The following SFTPD variants were observed in gnomAD, a reference collection of about 807,000 sequenced individuals.
The protein encoded by SFTPD is pulmonary surfactant-associated protein D.
Under a neutral mutation model 34.6 loss-of-function variants are expected in SFTPD, and 18 were observed. The observed-to-expected ratio is 0.52, with a 90% confidence interval of 0.36 to 0.77. SFTPD has a LOEUF of 0.77. SFTPD is among the 30% of genes least tolerant of loss of function. The pLI, the probability that SFTPD is intolerant of heterozygous loss-of-function variation, is 0.00. For synonymous variants in SFTPD, 155 were observed against 180.9 expected, an observed-to-expected ratio of 0.86 and a Z score of 1.15; for missense variants, 433 against 468.9, an observed-to-expected ratio of 0.92 and a Z score of 0.71.
intron 1 of SFTPD, among the ~76,000 whole-genome samples, chr10:79,976,147 C>T (rs906480752): frequency 2.1e-4 from 32 of 152,194 alleles, no homozygotes; most frequent in African/African-American, 6.8e-4. Context: ...TTAAGAAAAA[C>T]AAGTTTCTCT....
intron 1 of SFTPD, among the ~76,000 whole-genome samples, chr10:79,962,988 A>T (rs1448236474): frequency 6.6e-6 from 1 of 152,162 alleles, no homozygotes; most frequent in Non-Finnish European, 1.5e-5. Context: ...TCTATCATTT[A>T]TCTATCAGTC....
intron 1 of SFTPD, among the ~76,000 whole-genome samples, chr10:79,981,477 C>T (rs564041546): frequency 1.6e-4 from 25 of 152,302 alleles, no homozygotes; most frequent in African/African-American, 5.8e-4. Context: ...ATAGGCCGGG[C>T]GGCGTGAGGG....
intron 7 of SFTPD, among the ~76,000 whole-genome samples, chr10:79,938,938 G>A (rs574565430): frequency 2.0e-4 from 30 of 152,234 alleles, no homozygotes; most frequent in African/African-American, 3.1e-4. Flanking sequence ...TGAGTGAGGC[G>A]CAGGGGAGTG....
At chr10:79,964,779 G>C (rs1003554933) in intron 1 of SFTPD, among the ~76,000 whole-genome samples, 2 of 152,006 alleles carry the variant, frequency 1.3e-5, no homozygotes, top group African/African-American at 4.8e-5. Flanking sequence ...CCCTGCCCAG[G>C]TCTGGCAAAT....
upstream of SFTPD, among the ~76,000 whole-genome samples, chr10:79,954,104 T>A (rs1031210231): frequency 6.6e-6 from 1 of 152,220 alleles, no homozygotes; most frequent in Non-Finnish European, 1.5e-5. Context: ...TGTTCTCCTG[T>A]ATCTTGTTGA....
upstream of SFTPD, chr10:79,950,977 TA>T (rs1000372115): frequency 6.6e-6 from 1 of 152,092 alleles, no homozygotes. Flanking sequence ...AGTCTTTTGC[TA>T]AAAGTTTCAA....
chr10:79,964,302 G>A (rs1260606885), intron 1 of SFTPD, among the ~76,000 whole-genome samples: 16 of 152,094 alleles, frequency 1.1e-4, no homozygotes, highest in Admixed American at 1.3e-4. Flanking sequence ...TCTAAAGGTC[G>A]CTTTACTTCC....
rs749082014 is a variant in SFTPD at position 79,938,047 on chromosome 10, A to G, written c.933T>C (p.Ala311=). 6 of 1,614,018 alleles carry G rather than the reference A, an allele frequency of 3.7e-6. No homozygotes were observed. In the Admixed American group the frequency reaches 6.7e-5, roughly 18 times the overall value. ...TCTTGGAATCAGTCATGCTCAGGAA[A>G]GCAGCCTCGTTCTTAGCTACGACCA... ...QQLVVAKNEA[A]FLSMTDSKTE... Residue 311 remains alanine (A), a synonymous_variant, in exon 8 of 8, where the codon GCT becomes GCC. Coordinates refer to ENST00000372292, the MANE Select transcript of SFTPD (RefSeq NM_003019.5).
intron 2 of SFTPD, 37 bp downstream of exon 2, chr10:79,946,424 T>A (rs766643083): frequency 1.3e-6 from 2 of 1,481,900 alleles, no homozygotes; most frequent in South Asian, 1.1e-5. Context: ...CAATGACCAT[T>A]CCTCCCCAGC....
intron 1 of SFTPD, among the ~76,000 whole-genome samples, chr10:79,958,213 C>A (rs1184163159): frequency 6.6e-6 from 1 of 152,122 alleles, no homozygotes; most frequent in African/African-American, 2.4e-5. Flanking sequence ...AATGTAAAGA[C>A]CGTCAAGGCT....
At chr10:79,959,948 T>G (rs1243176974) in intron 1 of SFTPD, among the ~76,000 whole-genome samples, 1 of 152,144 alleles carries the variant, frequency 6.6e-6, no homozygotes, top group Non-Finnish European at 1.5e-5. Flanking sequence ...TTATCCACCA[T>G]GATCAAGTGG....
chr10:79,952,813 G>A (rs1842717978), upstream of SFTPD, among the ~76,000 whole-genome samples: 2 of 152,180 alleles, frequency 1.3e-5, no homozygotes, highest in Non-Finnish European at 2.9e-5. Context: ...GAGTGTGCCT[G>A]CATGAGCTGG....
chr10:79,979,477 A>G (rs1160473933), intron 1 of SFTPD, among the ~76,000 whole-genome samples: 1 of 152,238 alleles, frequency 6.6e-6, no homozygotes, highest in Non-Finnish European at 1.5e-5. Context: ...ATCAAGTGGT[A>G]TGAGAGAGAT....
intron 2 of SFTPD, among the ~76,000 whole-genome samples, chr10:79,945,380 G>C (rs573180675): frequency 6.6e-6 from 1 of 152,180 alleles, no homozygotes. Flanking sequence ...GTCTGTAAGG[G>C]ATAGGCAGAT....
intron 3 of SFTPD, 42 bp downstream of exon 3, chr10:79,942,718 GCAC>G (rs3135515): frequency 1.5e-6 from 2 of 1,314,106 alleles, no homozygotes; most frequent in Non-Finnish European, 2.2e-6. Context: ...CCTTGCAGCT[GCAC>G]CACCACCTGG....
At chr10:79,968,288 T>G (rs60721872) in intron 1 of SFTPD, 11,786 of 152,252 alleles carry the variant, frequency 0.077, 897 homozygotes, top group East Asian at 0.39. Context: ...TATACCCACT[T>G]CCCAGGTAGT....
rs545514848 is a variant in SFTPD at position 79,959,756 on chromosome 10, A to G, written c.37-13094T>C. Among the ~76,000 whole-genome samples the G allele has an allele frequency of 1.4e-3, 219 of 152,322 alleles. 2 individuals carry two copies. Among genetic ancestry groups the G allele is most frequent in the African/African-American group, 4.9e-3 (205 of 41,562 alleles). On this transcript the variant is annotated intron_variant, in intron 1 of 5. Coordinates refer to the SFTPD transcript ENST00000444384. Reference sequence around the variant, plus strand: ...TACCATTCCTTCTGAAACTATTCCAATCAATAGAAAAAGAGGGAATCCTCC... The same window carrying G: ...TACCATTCCTTCTGAAACTATTCCAGTCAATAGAAAAAGAGGGAATCCTCC...
At chr10:79,956,978 G>A (rs1156734993) in intron 1 of SFTPD, among the ~76,000 whole-genome samples, 1 of 151,174 alleles carries the variant, frequency 6.6e-6, no homozygotes. Flanking sequence ...TCACGCAGCA[G>A]CATTTGCGGT....
At position 79,946,506 on chromosome 10, in the gene SFTPD, C is replaced by G; in HGVS notation, c.154G>C (p.Gly52Arg). 1 of 1,614,184 alleles carries G rather than the reference C, an allele frequency of 6.2e-7. No individual in the cohort carries two copies. Among genetic ancestry groups the G allele is most frequent in the Non-Finnish European group, 8.5e-7 (1 of 1,180,026 alleles). The change falls in exon 2 of 8, where the codon GGA becomes CGA. Residue 52 changes from glycine (G) to arginine (R), a missense_variant. Physicochemically the swap from Gly to Arg is moderately radical, Grantham distance 125. Coordinates refer to ENST00000372292, the MANE Select transcript of SFTPD (RefSeq NM_003019.5). ...CGAGGGCCCTCTCTCCCATCCCGTC[C>G]ATCGCGACCAGGCAGGCCACTCTCC... ...SVESGLPGRDGRDGREGPRGE... is the reference protein window; with the variant it reads ...SVESGLPGRDRRDGREGPRGE...
Sources: allele counts gnomAD v4.1 joint callset (sites outside exome capture counted in the v4.1 genomes callset), GRCh38; gene constraint gnomAD v4.1.1; transcripts MANE v1.5; gene names NCBI Gene and HGNC (gene_info 2026-07-23, HGNC 2026-07-21).